ONECUT1: variants seen among roughly 807,000 people sequenced by gnomAD.
The protein encoded by ONECUT1 is one cut homeobox 1, also known as hepatocyte nuclear factor 6.
ONECUT1 carries 12 observed loss-of-function variants against 25.6 expected under a neutral mutation model. The observed-to-expected ratio is 0.47, with a 90% confidence interval of 0.30 to 0.76. The LOEUF is 0.76. Ranked by LOEUF, ONECUT1 falls within the 30% of genes least tolerant of loss-of-function variation. ONECUT1 has a pLI of 0.07. For synonymous variants in ONECUT1, 285 were observed against 270.2 expected (o/e 1.05, Z -0.54); for missense variants, 620 against 651.2 (o/e 0.95, Z 0.52).
chr15:52,783,742 C>G (rs922356178), intron 1 of ONECUT1, among the ~76,000 whole-genome samples: 10 of 152,248 alleles, frequency 6.6e-5, no homozygotes, highest in Non-Finnish European at 1.2e-4. Context: ...CTTCTCTACG[C>G]TGACCCCGCT....
intron 1 of ONECUT1, among the ~76,000 whole-genome samples, chr15:52,764,181 C>T (rs1235959617): frequency 1.3e-5 from 2 of 152,182 alleles, no homozygotes; most frequent in Non-Finnish European, 2.9e-5. Flanking sequence ...TGTGGGCATA[C>T]ATATATTGGC....
intron 1 of ONECUT1, among the ~76,000 whole-genome samples, chr15:52,764,429 G>A (rs886424299): frequency 2.0e-5 from 3 of 152,150 alleles, no homozygotes; most frequent in African/African-American, 7.2e-5. Flanking sequence ...AGAAGCCATC[G>A]TATTCCATTT....
chr15:52,788,900 C>T lies in ONECUT1; in HGVS notation c.985G>A (p.Asp329Asn). 6.2e-7 allele frequency: 1 copy of T among 1,614,118 alleles called. No homozygotes were observed. Among genetic ancestry groups the T allele is most frequent in the Non-Finnish European group, 8.5e-7 (1 of 1,180,028 alleles). The change falls in exon 1 of 2, where the codon GAC (aspartate) becomes AAC (asparagine). Residue 329 changes from aspartate (D) to asparagine (N), a missense_variant. Coordinates refer to ENST00000305901, the MANE Select transcript of ONECUT1 (RefSeq NM_004498.4). This position sits in a 1 kb window ranked among gnomAD's most constrained non-coding sequence, Gnocchi z 4.3. ...CAGGGTTTGGGGTTGCGCAGCAGGT[C>T]CGAGAGGGTCCCCTGGGAGCGGCAG... ...VLCRSQGTLS[D>N]LLRNPKPWSK...
rs958052055 is a variant in ONECUT1, at chr15:52,757,358, G to A, written c.*197C>T. The A allele has an allele frequency of 1.4e-5, 8 of 579,744 alleles. No individual in the cohort carries two copies. Among genetic ancestry groups the A allele is most frequent in the South Asian group, 2.6e-5 (1 of 38,922 alleles). The allele number at this position is 579,744 out of a possible 1,614,324, so 35.9% of individuals were successfully genotyped here. On this transcript the variant is annotated 3_prime_UTR_variant, in exon 2 of 2. Coordinates refer to ENST00000305901, the MANE Select transcript of ONECUT1 (RefSeq NM_004498.4). ...TCATCATTTGTCTTGCCAAGTCGCCGCCCTGCTGAAGTGTGTGTCTCCAAA... is the reference window on the plus strand; with the variant it reads ...TCATCATTTGTCTTGCCAAGTCGCCACCCTGCTGAAGTGTGTGTCTCCAAA...
chr15:52,761,545 C>T (rs2083706088), intron 1 of ONECUT1, among the ~76,000 whole-genome samples: 1 of 152,166 alleles, frequency 6.6e-6, no homozygotes, highest in Non-Finnish European at 1.5e-5. Flanking sequence ...GTGGCAGGTG[C>T]CTGTAATCCC....
At chr15:52,760,882 G>T (rs1318034956) in intron 1 of ONECUT1, among the ~76,000 whole-genome samples, 3 of 152,100 alleles carry the variant, frequency 2.0e-5, no homozygotes, top group African/African-American at 7.2e-5. Context: ...TTAGGGACAA[G>T]AATGCTACAG....
chr15:52,760,216 C>T (rs1270282868), intron 1 of ONECUT1, among the ~76,000 whole-genome samples: 2 of 152,164 alleles, frequency 1.3e-5, no homozygotes, highest in East Asian at 1.9e-4. Flanking sequence ...CCAACTCCCT[C>T]AGAGCCTCGA....
chr15:52,765,134 C>T (rs1321888263), intron 1 of ONECUT1, among the ~76,000 whole-genome samples: 2 of 152,182 alleles, frequency 1.3e-5, no homozygotes, highest in East Asian at 3.8e-4. Context: ...TGAAAATCCA[C>T]AGGGATAGAA....
intron 1 of ONECUT1, among the ~76,000 whole-genome samples, chr15:52,761,806 C>T (rs747473924): frequency 1.6e-4 from 24 of 152,262 alleles, no homozygotes; most frequent in Non-Finnish European, 3.1e-4. Context: ...GGAACATCTG[C>T]CAGGTTTCTG....
At chr15:52,773,625 G>T (rs927395068) in intron 1 of ONECUT1, among the ~76,000 whole-genome samples, 1 of 152,124 alleles carries the variant, frequency 6.6e-6, no homozygotes, top group East Asian at 1.9e-4. Context: ...ATAAACCAGG[G>T]CTCATCAAAG....
Position 52,789,607 on chromosome 15 carries a change from G to C in ONECUT1, c.278C>G (p.Thr93Ser). 6.4e-7 allele frequency: 1 copy of C among 1,566,270 alleles called. No homozygotes were observed. Among genetic ancestry groups the C allele is most frequent in the Non-Finnish European group, 8.7e-7 (1 of 1,153,370 alleles). ...LHPTMTMACE[T>S]PPGMSMPTTY... ...GGTGGGCATGCTCATACCTGGGGGAGTCTCGCAGGCCATGGTCATGGTGGG... is the reference window on the plus strand; with the variant it reads ...GGTGGGCATGCTCATACCTGGGGGACTCTCGCAGGCCATGGTCATGGTGGG... Residue 93 changes from threonine (T) to serine (S), a missense_variant, in exon 1 of 2, where the codon ACT becomes AGT. By Grantham distance (58) the Thr-to-Ser change is moderately conservative. Transcript: ENST00000305901. The surrounding 1 kb of genome is among the most constrained non-coding windows in gnomAD (Gnocchi z 4.1).
rs1370694948 is a variant in ONECUT1, at chr15:52,777,731, C to CAAAA, written c.1105+11048_1105+11049insTTTT. ...ACACACACACACACACACACACACA[C>CAAAA]ACACACAAAAAAACATGTAAAGTTA... is the stretch of plus-strand genomic sequence containing the variant. On this transcript the variant is annotated intron_variant, in intron 1 of 1. Transcript: ENST00000305901. Among the ~76,000 whole-genome samples, 450 of 84,188 alleles carry CAAAA rather than the reference C, an allele frequency of 5.3e-3. 15 individuals carry two copies. Among genetic ancestry groups the CAAAA allele is most frequent in the African/African-American group, 0.015 (185 of 12,300 alleles). 55.2% of individuals were successfully genotyped at this position (84,188 alleles called of 152,430 possible).
At chr15:52,782,793 C>T (rs1479423128) in intron 1 of ONECUT1, among the ~76,000 whole-genome samples, 1 of 152,088 alleles carries the variant, frequency 6.6e-6, no homozygotes, top group Non-Finnish European at 1.5e-5. Flanking sequence ...ACCATCAAGG[C>T]TCCTAGATTG....
intron 1 of ONECUT1, among the ~76,000 whole-genome samples, chr15:52,775,186 T>TAAA (rs34002754): frequency 7.4e-6 from 1 of 135,606 alleles, no homozygotes. Flanking sequence ...CAAGACTGTC[T>TAAA]AAAAAAAAAA....
intron 1 of ONECUT1, among the ~76,000 whole-genome samples, chr15:52,778,282 AT>A (rs1021046375): frequency 1.3e-5 from 2 of 152,012 alleles, no homozygotes; most frequent in Non-Finnish European, 2.9e-5. Context: ...TTTATTACTC[AT>A]TTTTTTAAAA....
At chr15:52,785,274 G>T (rs1186805572) in intron 1 of ONECUT1, among the ~76,000 whole-genome samples, 1 of 152,260 alleles carries the variant, frequency 6.6e-6, no homozygotes, top group Non-Finnish European at 1.5e-5. Context: ...CAACCAGGCC[G>T]CAAGGCCACT....
intron 1 of ONECUT1, among the ~76,000 whole-genome samples, chr15:52,772,405 A>AC (rs1253924867): frequency 6.6e-6 from 1 of 152,026 alleles, no homozygotes; most frequent in African/African-American, 2.4e-5. Flanking sequence ...AAAAAAAAAA[A>AC]AAAAGCGAGA....
chr15:52,768,321 T>C (rs1176133828), intron 1 of ONECUT1, among the ~76,000 whole-genome samples: 1 of 152,198 alleles, frequency 6.6e-6, no homozygotes, highest in Non-Finnish European at 1.5e-5. Context: ...TATATACAAC[T>C]ATTATGTATC....
chr15:52,767,953 T>C (rs2083744467), intron 1 of ONECUT1, among the ~76,000 whole-genome samples: 1 of 152,164 alleles, frequency 6.6e-6, no homozygotes, highest in South Asian at 2.1e-4. Context: ...AGGTAAATAT[T>C]GCATGTTCTC....
Sources: allele counts gnomAD v4.1 joint callset (sites outside exome capture counted in the v4.1 genomes callset), GRCh38; gene constraint gnomAD v4.1.1; non-coding constraint Gnocchi (gnomAD v3.1); transcripts MANE v1.5; gene names NCBI Gene and HGNC (gene_info 2026-07-23, HGNC 2026-07-21).